Variants in PCMT1 observed in about 807,000 individuals in gnomAD.
PCMT1 encodes the protein protein-L-isoaspartate (D-aspartate) O-methyltransferase, also known as protein-L-isoaspartate(D-aspartate) O-methyltransferase.
PCMT1 carries 9 observed loss-of-function variants against 29.2 expected under a neutral mutation model. The ratio of observed to expected loss-of-function variants is 0.31; its 90% CI spans 0.19 to 0.54. The LOEUF (loss-of-function observed/expected upper bound fraction) is 0.54. Ranked by LOEUF, PCMT1 falls within the 20% of genes least tolerant of loss-of-function variation. PCMT1 has a pLI of 0.95. For synonymous variants in PCMT1, 98 were observed against 97.5 expected (o/e 1.00, Z -0.03); for missense variants, 184 against 282.2 (o/e 0.65, Z 2.49).
At chr6:149,785,560 C>T (rs1239176500) in intron 3 of PCMT1, among the ~76,000 whole-genome samples, 11 of 152,052 alleles carry the variant, frequency 7.2e-5, no homozygotes, top group East Asian at 1.9e-4. Context: ...TGAGGCCTTC[C>T]GCAGTGTTTG....
intron 1 of PCMT1, among the ~76,000 whole-genome samples, chr6:149,761,499 T>G (rs896973402): frequency 6.6e-6 from 1 of 152,150 alleles, no homozygotes; most frequent in African/African-American, 2.4e-5. Flanking sequence ...ATCATATGCT[T>G]AAACTGATGT....
At chr6:149,795,285 T>C in intron 5 of PCMT1, 2 of 404,444 alleles carry the variant, frequency 4.9e-6, no homozygotes, top group Non-Finnish European at 9.5e-6. Context: ...CAAGCAGTCC[T>C]TGTTCTCCAA....
At chr6:149,775,253 A>T (rs1359472868) in intron 3 of PCMT1, among the ~76,000 whole-genome samples, 1 of 152,204 alleles carries the variant, frequency 6.6e-6, no homozygotes, top group Admixed American at 6.6e-5. Context: ...ATTGATAATT[A>T]TACTAGAAGA....
intron 5 of PCMT1, among the ~76,000 whole-genome samples, chr6:149,794,005 T>A: frequency 6.6e-6 from 1 of 152,180 alleles, no homozygotes; most frequent in East Asian, 1.9e-4. Flanking sequence ...TCTATATATA[T>A]AAATACATTT....
At chr6:149,782,093 A>G (rs1388803811) in intron 3 of PCMT1, among the ~76,000 whole-genome samples, 4 of 152,116 alleles carry the variant, frequency 2.6e-5, no homozygotes, top group African/African-American at 9.7e-5. Context: ...TTAATTACTT[A>G]TATTTTCTGA....
chr6:149,773,042 T>A, intron 2 of PCMT1, 96 bp from the exon 3 acceptor site: 1 of 951,290 alleles, frequency 1.1e-6, no homozygotes, highest in Non-Finnish European at 1.6e-6. Flanking sequence ...AAAAGAATTA[T>A]TGTGAAAAAT....
intron 3 of PCMT1, among the ~76,000 whole-genome samples, chr6:149,783,481 C>A (rs1787897162): frequency 6.6e-6 from 1 of 152,130 alleles, no homozygotes; most frequent in Non-Finnish European, 1.5e-5. Context: ...GTAGAGTGAT[C>A]TATTGGTGAC....
chr6:149,751,542 C>A (rs62441284), intron 1 of PCMT1, among the ~76,000 whole-genome samples: 63,394 of 143,700 alleles, frequency 0.44, 14,645 homozygotes, highest in East Asian at 0.82. Flanking sequence ...AGTGCAATGG[C>A]GCGGTCTTAG....
intron 4 of PCMT1, among the ~76,000 whole-genome samples, 154 bp downstream of exon 4, chr6:149,790,212 G>A (rs1398277073): frequency 6.6e-6 from 1 of 152,166 alleles, no homozygotes; most frequent in Non-Finnish European, 1.5e-5. Context: ...TGTTGTTGTT[G>A]CAAGTGACAG....
chr6:149,756,600 A>C (rs185456659), intron 1 of PCMT1, among the ~76,000 whole-genome samples: 101 of 141,090 alleles, frequency 7.2e-4, no homozygotes, highest in African/African-American at 2.7e-3. Context: ...CCTGGGCTCA[A>C]GTGATCCACC....
intron 1 of PCMT1, among the ~76,000 whole-genome samples, chr6:149,754,191 C>A (rs1786432083): frequency 6.6e-6 from 1 of 152,188 alleles, no homozygotes; most frequent in Admixed American, 6.5e-5. Context: ...GAAATGTGGA[C>A]AACTGAAGAA....
At position 149,762,096 on chromosome 6, in the gene PCMT1, GT is replaced by G. The variant is rs550835074; in HGVS notation, c.56-9058del. Among the ~76,000 whole-genome samples, 22 of 151,112 alleles carry G rather than the reference GT, an allele frequency of 1.5e-4. No individual in the cohort carries two copies. The South Asian group carries it at 1.5e-3, about 10-fold the overall frequency. On this transcript the variant is annotated intron_variant, in intron 1 of 7. Transcript: ENST00000464889. The stretch of plus-strand genomic sequence containing the variant: ...ATCATAACTCTTGTATAGTGTTTTT[GT>G]TTTTTTTCCTGGAATTTGATTTATC...
intron 7 of PCMT1, among the ~76,000 whole-genome samples, chr6:149,804,335 A>G (rs993503118): frequency 3.9e-5 from 6 of 151,980 alleles, no homozygotes; most frequent in Non-Finnish European, 7.4e-5. Context: ...TATACAATAA[A>G]TATTAGTGTT....
intron 1 of PCMT1, among the ~76,000 whole-genome samples, chr6:149,770,430 C>T (rs1332514371): frequency 1.3e-5 from 2 of 152,106 alleles, no homozygotes; most frequent in African/African-American, 4.8e-5. Context: ...CCAGGTTGGG[C>T]TGGGCACGGT....
intron 6 of PCMT1, among the ~76,000 whole-genome samples, chr6:149,801,930 A>G (rs1775838949): frequency 6.6e-6 from 1 of 152,028 alleles, no homozygotes; most frequent in African/African-American, 2.4e-5. Flanking sequence ...GGAGTTCGAG[A>G]CCAGTGTGGC....
chr6:149,769,756 C>T (rs1030036911), intron 1 of PCMT1, among the ~76,000 whole-genome samples: 3 of 150,362 alleles, frequency 2.0e-5, no homozygotes, highest in Admixed American at 1.3e-4. Flanking sequence ...GTGCCATGAT[C>T]CCCAGCTAAT....
intron 1 of PCMT1, among the ~76,000 whole-genome samples, chr6:149,770,912 T>C (rs1458037670): frequency 6.6e-6 from 1 of 150,766 alleles, no homozygotes; most frequent in Non-Finnish European, 1.5e-5. Context: ...GGCAGGAGAA[T>C]AGCGTGAACC....
chr6:149,778,079 G>C (rs917737125), intron 3 of PCMT1, among the ~76,000 whole-genome samples: 6 of 151,724 alleles, frequency 4.0e-5, no homozygotes, highest in African/African-American at 1.5e-4. Flanking sequence ...GTTTCGTCAC[G>C]TTGGCCAGGC....
chr6:149,786,364 G>A (rs200458885), intron 3 of PCMT1, among the ~76,000 whole-genome samples: 22 of 94,112 alleles, frequency 2.3e-4, no homozygotes, highest in African/African-American at 9.2e-4. Context: ...CCGGGCGGGG[G>A]GCTGACCCCC....
Sources: allele counts gnomAD v4.1 joint callset (sites outside exome capture counted in the v4.1 genomes callset), GRCh38; gene constraint gnomAD v4.1.1; transcripts MANE v1.5; gene names NCBI Gene and HGNC (gene_info 2026-07-23, HGNC 2026-07-21).